Variants in IRS4 observed in about 807,000 individuals in gnomAD.
IRS4 encodes the protein insulin receptor substrate 4.
IRS4 carries 15 observed loss-of-function variants against 48.6 expected under a neutral mutation model. That is an observed-to-expected ratio of 0.31 (90% CI 0.21 to 0.48). The LOEUF (loss-of-function observed/expected upper bound fraction) is 0.48. Ranked by LOEUF, IRS4 falls within the 20% of genes least tolerant of loss-of-function variation. The pLI is 0.99. For missense variants in IRS4, 987 were observed against 1,023.4 expected, an observed-to-expected ratio of 0.96 and a Z score of 0.49; for synonymous variants, 459 against 413.2, an observed-to-expected ratio of 1.11 and a Z score of -1.34.
rs776473962 is a variant in IRS4 at position 108,736,160 on chromosome X, G to A, written c.185C>T (p.Ser62Phe). Residue 62 changes from serine to phenylalanine, a missense_variant, in exon 1 of 2, where the codon TCC becomes TTC. Ser to Phe is a radical substitution (Grantham distance 155). Around this residue, in one of 4 missense-constraint regions of IRS4, gnomAD observed 173 missense variants for 208.9 expected, o/e 0.83. Transcript: ENST00000372129. ...CTCTTCGGACTCGGAGTCTGACCGG[G>A]AGCCAGTGGCCGTGGAGAGCCACAT... ...GAMWLSTATG[S>F]RSDSESEEED... The A allele has an allele frequency of 2.5e-6, 3 of 1,210,470 alleles. No individual in the cohort carries two copies. The highest frequency in any genetic ancestry group is 3.5e-5 in the South Asian group (2 of 56,989).
intron 1 of IRS4, among the ~76,000 whole-genome samples, chrX:108,727,348 T>G (rs2068881230): frequency 8.9e-6 from 1 of 112,128 alleles, no homozygotes; most frequent in African/African-American, 3.2e-5. Flanking sequence ...TGAGTCTATT[T>G]TTCCAAAATA....
In IRS4 at chrX:108,736,324, A is replaced by G. The variant is rs2068954481; in HGVS notation, c.21T>C (p.Thr7=). 1 of 1,209,058 alleles carries G rather than the reference A, an allele frequency of 8.3e-7. No homozygotes were observed. The highest frequency in any genetic ancestry group is 1.1e-6 in the Non-Finnish European group (1 of 895,053). Residue 7 remains threonine, a synonymous_variant, in exon 1 of 2, where the codon ACT becomes ACC. Coordinates refer to ENST00000372129, the MANE Select transcript of IRS4 (RefSeq NM_001379150.1). ...TTAGTCTTCTTGTCGCTTGGTCGCGAGTGAAGGAGCAACTCGCCATGGTGA... is the reference window on the plus strand; with the variant it reads ...TTAGTCTTCTTGTCGCTTGGTCGCGGGTGAAGGAGCAACTCGCCATGGTGA... The part of the protein sequence containing the change: MASCSF[T]RDQATRRLRG...
At chrX:108,725,727 C>A (rs1215938314) in intron 1 of IRS4, among the ~76,000 whole-genome samples, 1 of 111,845 alleles carries the variant, frequency 8.9e-6, no homozygotes, top group African/African-American at 3.3e-5. Context: ...GTCTTTACAA[C>A]ACCAATTATA....
intron 1 of IRS4, among the ~76,000 whole-genome samples, chrX:108,731,023 G>A (rs2068899411): frequency 1.8e-5 from 2 of 111,213 alleles, no homozygotes; most frequent in South Asian, 7.7e-4. Context: ...GGTAGCAGTG[G>A]TGATCATGTG....
Position 108,735,791 on chromosome X carries a change from G to A in IRS4, c.554C>T (p.Ser185Leu), listed in dbSNP as rs769447003. 1 of 1,205,182 alleles carries A rather than the reference G, an allele frequency of 8.3e-7. No homozygotes were observed. Among genetic ancestry groups the A allele is most frequent in the African/African-American group, 1.8e-5 (1 of 56,133 alleles). The change falls in exon 1 of 2, where the codon TCG becomes TTG. Residue 185 changes from serine to leucine, a missense_variant. Coordinates refer to ENST00000372129, the MANE Select transcript of IRS4 (RefSeq NM_001379150.1). ...CAGCAAGTACCAGCTTTCCTGCTCC[G>A]ACTCGTTCTCGGCCACCATCGCGAA... ...EYFAMVAENE[S>L]EQESWYLLLS...
intron 1 of IRS4, among the ~76,000 whole-genome samples, chrX:108,728,541 A>T (rs762139914): frequency 2.7e-5 from 3 of 111,976 alleles, no homozygotes; most frequent in Non-Finnish European, 3.8e-5. Flanking sequence ...TGATCTTGGG[A>T]AAATTCTCAA....
chrX:108,735,918 G>T lies in IRS4; in HGVS notation c.427C>A (p.Pro143Thr), dbSNP rs1349764515. The change falls in exon 1 of 2, where the codon CCA (proline) becomes ACA (threonine). Residue 143 changes from proline to threonine, a missense_variant. Pro to Thr is a conservative substitution (Grantham distance 38, BLOSUM62 -1). Around this residue, in one of 4 missense-constraint regions of IRS4, gnomAD observed 173 missense variants for 208.9 expected, o/e 0.83. Transcript: ENST00000372129. The stretch of plus-strand genomic sequence containing the variant: ...TATAGGGTGATCACGCGCCGCGGTG[G>T]AATGAGCGGGGGGATCGCGGCGCCA... ...ASGAAIPPLI[P>T]PRRVITLYQC... The T allele has an allele frequency of 8.3e-7, 1 of 1,209,478 alleles. No homozygotes were observed. Among genetic ancestry groups the T allele is most frequent in the South Asian group, 1.8e-5 (1 of 56,941 alleles).
rs1160997914 is a variant in IRS4 at position 108,735,971 on chromosome X, G to C, written c.374C>G (p.Ala125Gly). Reference sequence around the variant, plus strand: ...GGCGGCCGCCGCTGCTGCAGCCGCCGCGGCGCGGACACTGTGCCGGAACTT... The same window carrying C: ...GGCGGCCGCCGCTGCTGCAGCCGCCCCGGCGCGGACACTGTGCCGGAACTT... ...ARKFRHSVRAAAAAAAAAASG... is the reference protein window; with the variant it reads ...ARKFRHSVRAGAAAAAAAASG... Residue 125 changes from alanine to glycine, a missense_variant, in exon 1 of 2, where the codon GCG (alanine) becomes GGG (glycine). Physicochemically the swap from Ala to Gly is moderately conservative, Grantham distance 60. Coordinates refer to ENST00000372129, the MANE Select transcript of IRS4 (RefSeq NM_001379150.1). The C allele has an allele frequency of 1.7e-6, 2 of 1,205,953 alleles. No homozygotes were observed. The highest frequency in any genetic ancestry group is 2.2e-6 in the Non-Finnish European group (2 of 893,485).
intron 1 of IRS4, among the ~76,000 whole-genome samples, chrX:108,730,687 T>C (rs2068897836): frequency 8.9e-6 from 1 of 112,037 alleles, no homozygotes; most frequent in Admixed American, 9.4e-5. Flanking sequence ...CAGGAATTTA[T>C]GCTAAAATAA....
chrX:108,731,003 G>A (rs1366135954), intron 1 of IRS4, among the ~76,000 whole-genome samples: 1 of 111,261 alleles, frequency 9.0e-6, no homozygotes, highest in African/African-American at 3.3e-5. Flanking sequence ...TATTTTAAAC[G>A]TATGATTATG....
chrX:108,735,547 C>T lies in IRS4; in HGVS notation c.798G>A (p.Val266=). The T allele has an allele frequency of 1.7e-6, 2 of 1,210,474 alleles. No homozygotes were observed. The highest frequency in any genetic ancestry group is 2.2e-6 in the Non-Finnish European group (2 of 895,147). Residue 266 remains valine (V), a synonymous_variant, in exon 1 of 2, where the codon GTG becomes GTA. Coordinates refer to ENST00000372129, the MANE Select transcript of IRS4 (RefSeq NM_001379150.1). ...LCLTDEEVVF[V]RLNTEVASVV... ...CGCTGGCCACTTCGGTGTTCAGCCT[C>T]ACAAACACGACCTCCTCGTCGGTTA... is the stretch of plus-strand genomic sequence containing the variant.
rs774602562 is a variant in IRS4, at chrX:108,732,911, C to T, written c.3434G>A (p.Gly1145Asp). ...AAASALAAAP[G>D]IGAAAAAAGF... ...AGCAGCTGCGGCTGCTGCGCCGATG[C>T]CCGGGGCTGCGGCGAGCGCGGAGGC... Residue 1145 changes from glycine to aspartate, a missense_variant, in exon 1 of 2, where the codon GGC becomes GAC. Transcript: ENST00000372129. 90 of 1,173,268 alleles carry T rather than the reference C, an allele frequency of 7.7e-5. No homozygotes were observed. Among genetic ancestry groups the T allele is most frequent in the Non-Finnish European group, 1.0e-4 (88 of 876,255 alleles).
intron 1 of IRS4, 75 bp downstream of exon 1, chrX:108,732,504 A>T (rs41304472): frequency 8.3e-7 from 1 of 1,203,807 alleles, no homozygotes; most frequent in Non-Finnish European, 1.1e-6. Flanking sequence ...TATCCCTAAC[A>T]CTGTAGACTG....
chrX:108,724,322 T>C (rs1376957477), intron 1 of IRS4: 1 of 112,207 alleles, frequency 8.9e-6, no homozygotes, highest in Non-Finnish European at 1.9e-5. Flanking sequence ...TAAGTGAATG[T>C]TTGGTAACTT....
rs938903224 is a variant in IRS4 at position 108,722,395 on chromosome X, A to G, written c.*124T>C. 1.6e-5 allele frequency: 4 copies of G among 254,991 alleles called. No homozygotes were observed. The highest frequency in any genetic ancestry group is 3.0e-5 in the Non-Finnish European group (4 of 135,159). 21.0% of individuals were successfully genotyped at this position (254,991 alleles called of 1,213,427 possible). On this transcript the variant is annotated 3_prime_UTR_variant, in exon 2 of 2. Transcript: ENST00000372129. Reference sequence around the variant, plus strand: ...AGAGTCCACTTGTAGGCTTGTAGAAATTTGGGTTGCTTTCTACTCAGAAGC... The same window carrying G: ...AGAGTCCACTTGTAGGCTTGTAGAAGTTTGGGTTGCTTTCTACTCAGAAGC...
At position 108,721,873 on chromosome X, in the gene IRS4, T is replaced by A. The variant is rs2068857196; in HGVS notation, c.*646A>T. 1 of 112,055 alleles carries A rather than the reference T, an allele frequency of 8.9e-6. No homozygotes were observed. The highest frequency in any genetic ancestry group is 9.4e-5 in the Admixed American group (1 of 10,619). 9.2% of individuals were successfully genotyped at this position (112,055 alleles called of 1,213,427 possible). On this transcript the variant is annotated 3_prime_UTR_variant, in exon 2 of 2. Coordinates refer to ENST00000372129, the MANE Select transcript of IRS4 (RefSeq NM_001379150.1). The stretch of plus-strand genomic sequence containing the variant: ...ATATTAGTTTCATTGACATATAACA[T>A]GAGCAGAATGTTGCAGTTTTGCTAA...
chrX:108,729,237 G>A (rs1033779165), intron 1 of IRS4, among the ~76,000 whole-genome samples: 1 of 109,705 alleles, frequency 9.1e-6, no homozygotes, highest in Non-Finnish European at 1.9e-5. Context: ...AAAGAAGCAT[G>A]ATTCCTTCAT....
chrX:108,736,049 T>C lies in IRS4; in HGVS notation c.296A>G (p.Lys99Arg), dbSNP rs1485149011. The change falls in exon 1 of 2, where the codon AAA becomes AGA. Residue 99 changes from lysine (K) to arginine (R), a missense_variant. By Grantham distance (26) the Lys-to-Arg change is conservative. This residue lies in a region of IRS4 where 173 missense variants were observed against 208.9 expected (regional missense o/e 0.83). Coordinates refer to ENST00000372129, the MANE Select transcript of IRS4 (RefSeq NM_001379150.1). ...AGCTGGGGCGTCAGCAGTCTCGAGT[T>C]TGAGCACGAAGTAGCGCCTGTGCCC... ...KHGHRRYFVL[K>R]LETADAPARL... The C allele has an allele frequency of 2.5e-6, 3 of 1,210,526 alleles. No homozygotes were observed. The Admixed American group carries it at 6.5e-5, about 26-fold the overall frequency.
rs778732039 is a variant in IRS4, at chrX:108,735,912, G to T, written c.433C>A (p.Arg145=). The stretch of plus-strand genomic sequence containing the variant: ...CACTGGTATAGGGTGATCACGCGCC[G>T]CGGTGGAATGAGCGGGGGGATCGCG... ...GAAIPPLIPP[R]RVITLYQCFS... Residue 145 remains arginine, a synonymous_variant, in exon 1 of 2, where the codon CGG becomes AGG. Transcript: ENST00000372129. 3.3e-6 allele frequency: 4 copies of T among 1,209,680 alleles called. No homozygotes were observed. The Admixed American group carries it at 6.5e-5, about 20-fold the overall frequency.
Sources: allele counts gnomAD v4.1 joint callset (sites outside exome capture counted in the v4.1 genomes callset), GRCh38; gene constraint gnomAD v4.1.1; regional missense constraint gnomAD v4.1.1; transcripts MANE v1.5; gene names NCBI Gene and HGNC (gene_info 2026-07-23, HGNC 2026-07-21).